The following GLIS3 variants were observed in gnomAD, a reference collection of about 807,000 sequenced individuals.
GLIS3 encodes the protein zinc finger protein GLIS3.
GLIS3 carries 53 observed loss-of-function variants against 78.6 expected under a neutral mutation model. That is an observed-to-expected ratio of 0.67 (90% confidence interval 0.54 to 0.85). GLIS3 has a LOEUF of 0.85. GLIS3 is among the 40% of genes least tolerant of loss of function. GLIS3 has a pLI of 0.00. For synonymous variants in GLIS3, 684 were observed against 509.9 expected, an observed-to-expected ratio of 1.34 and a Z score of -4.60; for missense variants, 1,703 against 1,231.1, an observed-to-expected ratio of 1.38 and a Z score of -5.74.
intron 4 of GLIS3, among the ~76,000 whole-genome samples, chr9:4,078,604 T>G (rs1828278383): frequency 6.6e-6 from 1 of 152,228 alleles, no homozygotes; most frequent in African/African-American, 2.4e-5. Flanking sequence ...CCAAGAGATC[T>G]TTGCCAGCCA....
intron 9 of GLIS3, among the ~76,000 whole-genome samples, chr9:3,832,555 G>C (rs1305818191): frequency 6.6e-6 from 1 of 152,170 alleles, no homozygotes; most frequent in Non-Finnish European, 1.5e-5. Flanking sequence ...ACATGTCTGA[G>C]TGGTTTGAGG....
the GLIS3 span, among the ~76,000 whole-genome samples, chr9:4,392,188 G>A: frequency 2.0e-5 from 3 of 151,474 alleles, no homozygotes; most frequent in African/African-American, 4.8e-5. Context: ...ATCGCTGAAC[G>A]ATGAGAGCAC....
At chr9:3,858,546 G>A (rs985399677) in intron 8 of GLIS3, among the ~76,000 whole-genome samples, 1 of 151,994 alleles carries the variant, frequency 6.6e-6, no homozygotes, top group African/African-American at 2.4e-5. Flanking sequence ...AATTCAGGCT[G>A]AATTTTCCTC....
At chr9:4,059,829 T>TGTGTGTGTGTGTGTGTGTGTGTGAGAGA in intron 4 of GLIS3, among the ~76,000 whole-genome samples, 62 of 100,690 alleles carry the variant, frequency 6.2e-4, no homozygotes, top group Non-Finnish European at 8.9e-4. Context: ...TGTGTGTGTG[T>TGTGTGTGTGTGTGTGTGTGTGTGAGAGA]GAGAGAGAGA....
chr9:3,856,168 G>A lies in GLIS3; in HGVS notation c.2314C>T (p.Pro772Ser). The A allele has an allele frequency of 6.2e-7, 1 of 1,613,998 alleles. No individual in the cohort carries two copies. Among genetic ancestry groups the A allele is most frequent in the South Asian group, 1.1e-5 (1 of 91,060 alleles). Reference sequence around the variant, plus strand: ...CGGGGGCTGATGTGGTGAGGAGATGGAGCAGAAGGTGCAAACCTGAGAAAA... The same window carrying A: ...CGGGGGCTGATGTGGTGAGGAGATGAAGCAGAAGGTGCAAACCTGAGAAAA... ...AGAERFAPSA[P>S]SPHHISPRRV... Residue 772 changes from proline (P) to serine (S), a missense_variant, in exon 9 of 11, where the codon CCA (proline) becomes TCA (serine). Transcript: ENST00000381971.
intron 4 of GLIS3, among the ~76,000 whole-genome samples, chr9:4,014,925 G>T (rs761437651): frequency 1.3e-5 from 2 of 152,082 alleles, no homozygotes; most frequent in Non-Finnish European, 2.9e-5. Flanking sequence ...CTCTTTCTGA[G>T]GTCACTGCGC....
chr9:4,072,098 T>C (rs1827661422), intron 4 of GLIS3, among the ~76,000 whole-genome samples: 1 of 152,200 alleles, frequency 6.6e-6, no homozygotes, highest in African/African-American at 2.4e-5. Flanking sequence ...TGTGCAGGGA[T>C]GTCTTCTTAA....
intron 2 of GLIS3, among the ~76,000 whole-genome samples, chr9:4,209,765 T>G (rs189794645): frequency 1.3e-3 from 200 of 152,146 alleles, no homozygotes; most frequent in Middle Eastern, 6.8e-3. Flanking sequence ...CATCTCTGGA[T>G]GTTTAACAGC....
At chr9:3,876,204 G>A (rs1286637321) in intron 8 of GLIS3, among the ~76,000 whole-genome samples, 1 of 152,026 alleles carries the variant, frequency 6.6e-6, no homozygotes, top group Non-Finnish European at 1.5e-5. Flanking sequence ...ATGGAACCCT[G>A]GAACACTGTG....
intron 4 of GLIS3, among the ~76,000 whole-genome samples, chr9:4,021,618 T>C (rs1336799917): frequency 6.6e-6 from 1 of 152,180 alleles, no homozygotes; most frequent in Non-Finnish European, 1.5e-5. Flanking sequence ...TGAACACTGG[T>C]AGAACCTCAT....
At position 3,937,109 on chromosome 9, in the gene GLIS3, A is replaced by G. The variant is rs1278926242; in HGVS notation, c.1791T>C (p.Tyr597=). ...TCTGACAACCCGGATGCTGGCACAA[A>G]TACGGCTTCTCGCCTGTGTGGCTCC... ...HLRSHTGEKP[Y]LCQHPGCQKA... Residue 597 remains tyrosine (Y), a synonymous_variant, in exon 5 of 11, where the codon TAT becomes TAC. Transcript: ENST00000381971. 6 of 1,613,954 alleles carry G rather than the reference A, an allele frequency of 3.7e-6. No individual in the cohort carries two copies. Among genetic ancestry groups the G allele is most frequent in the Non-Finnish European group, 5.1e-6 (6 of 1,180,038 alleles).
chr9:4,028,101 T>A (rs561167254), intron 4 of GLIS3, among the ~76,000 whole-genome samples: 7 of 152,140 alleles, frequency 4.6e-5, no homozygotes, highest in African/African-American at 1.4e-4. Flanking sequence ...TAATTGAACA[T>A]CAACCAGGTC....
At chr9:4,208,768 C>CA (rs1467679868) in intron 2 of GLIS3, among the ~76,000 whole-genome samples, 5 of 152,300 alleles carry the variant, frequency 3.3e-5, no homozygotes, top group African/African-American at 1.2e-4. Flanking sequence ...AGCCTTATGC[C>CA]ACCCTCTAAA....
the GLIS3 span, among the ~76,000 whole-genome samples, chr9:4,489,764 G>A: frequency 6.6e-6 from 1 of 152,142 alleles, no homozygotes; most frequent in Non-Finnish European, 1.5e-5. Context: ...AGGGCCTGTG[G>A]TCACAGAGCA....
intron 2 of GLIS3, among the ~76,000 whole-genome samples, chr9:4,266,179 A>C (rs539315406): frequency 6.6e-6 from 1 of 150,896 alleles, no homozygotes; most frequent in South Asian, 2.1e-4. Flanking sequence ...CAGCCTCCCA[A>C]AGTGCTGAGA....
intron 4 of GLIS3, among the ~76,000 whole-genome samples, chr9:4,051,097 A>T (rs1825718344): frequency 6.6e-6 from 1 of 152,204 alleles, no homozygotes; most frequent in African/African-American, 2.4e-5. Flanking sequence ...GTGAGGCCTA[A>T]AATTCTCCTT....
chr9:4,459,579 C>T, the GLIS3 span, among the ~76,000 whole-genome samples: 3 of 152,204 alleles, frequency 2.0e-5, no homozygotes, highest in African/African-American at 7.2e-5. Flanking sequence ...GACTGGGCAA[C>T]ACAGTGAGAC....
At chr9:3,929,512 A>G (rs1391778281) in intron 6 of GLIS3, among the ~76,000 whole-genome samples, 1 of 152,144 alleles carries the variant, frequency 6.6e-6, no homozygotes, top group East Asian at 1.9e-4. Flanking sequence ...ATCTATGGCT[A>G]TGGGTGCCTT....
intron 2 of GLIS3, among the ~76,000 whole-genome samples, chr9:4,239,677 G>A (rs546667038): frequency 6.6e-6 from 1 of 152,318 alleles, no homozygotes; most frequent in African/African-American, 2.4e-5. Flanking sequence ...GATTGTTTCT[G>A]ACTTTTCCAT....
Sources: allele counts gnomAD v4.1 joint callset (sites outside exome capture counted in the v4.1 genomes callset), GRCh38; gene constraint gnomAD v4.1.1; transcripts MANE v1.5; gene names NCBI Gene and HGNC (gene_info 2026-07-23, HGNC 2026-07-21).